PLEKHH1: variants seen among roughly 807,000 people sequenced by gnomAD.
PLEKHH1 encodes the protein pleckstrin homology domain-containing family H member 1.
PLEKHH1 carries 104 observed loss-of-function variants against 160.0 expected under a neutral mutation model. The ratio of observed to expected loss-of-function variants is 0.65; its 90% confidence interval spans 0.55 to 0.76. The LOEUF (loss-of-function observed/expected upper bound fraction) is 0.76, where lower values mean the gene tolerates loss of function less well. Ranked by LOEUF, PLEKHH1 falls within the 30% of genes least tolerant of loss-of-function variation. The pLI is 0.00. For missense variants in PLEKHH1, 1,427 were observed against 1,724.1 expected, an observed-to-expected ratio of 0.83 and a Z score of 3.05; for synonymous variants, 619 against 678.4, an observed-to-expected ratio of 0.91 and a Z score of 1.36.
rs1180702294 is a variant in PLEKHH1, at chr14:67,586,096, A to G, written c.3932A>G (p.Lys1311Arg). The G allele has an allele frequency of 2.5e-6, 4 of 1,613,732 alleles. No individual in the cohort carries two copies. Among genetic ancestry groups the G allele is most frequent in the African/African-American group, 2.7e-5 (2 of 74,926 alleles). Residue 1311 changes from lysine (K) to arginine (R), a missense_variant and splice_region_variant, in exon 28 of 29, where the codon AAG (lysine) becomes AGG (arginine). Physicochemically the swap from Lys to Arg is conservative, Grantham distance 26. Coordinates refer to ENST00000329153, the MANE Select transcript of PLEKHH1 (RefSeq NM_020715.3). ...TTGATCTTCCGGATGGCTGCTCCCA[A>G]GGTAGGTCTGACAGCTGTTAAAACG... ...EKLIFRMAAP[K>R]IAEATFIMAS...
chr14:67,564,522 A>G (rs1160600146), intron 7 of PLEKHH1, among the ~76,000 whole-genome samples: 1 of 152,062 alleles, frequency 6.6e-6, no homozygotes, highest in East Asian at 1.9e-4. Flanking sequence ...CAGTGGCGCA[A>G]TATTGGCTCA....
chr14:67,575,403 C>A lies in PLEKHH1; in HGVS notation c.2100C>A (p.Gly700=). Residue 700 remains glycine (G), a synonymous_variant, in exon 15 of 29, where the codon GGC becomes GGA. Transcript: ENST00000329153. The stretch of plus-strand genomic sequence containing the variant: ...TTTCTGTCTTACAGGTAAAGCATGG[C>A]CACTCCAAGGTGGTCTGGTGCGCTC... ...VKGWLTKVKH[G]HSKVVWCALV... The A allele has an allele frequency of 6.2e-7, 1 of 1,603,526 alleles. No individual in the cohort carries two copies. The highest frequency in any genetic ancestry group is 8.5e-7 in the Non-Finnish European group (1 of 1,173,028).
chr14:67,534,625 T>C (rs1373322675), intron 1 of PLEKHH1, among the ~76,000 whole-genome samples: 2 of 152,082 alleles, frequency 1.3e-5, no homozygotes, highest in Admixed American at 6.5e-5. Context: ...CACCTTCCCA[T>C]AGACTGCTGA....
intron 26 of PLEKHH1, 130 bp downstream of exon 26, chr14:67,584,254 T>G: frequency 2.3e-6 from 2 of 868,694 alleles, no homozygotes; most frequent in Non-Finnish European, 3.5e-6. Context: ...CTCCACTGTT[T>G]CTGGCCTAGT....
chr14:67,574,997 C>A lies in PLEKHH1; in HGVS notation c.2089-395C>A, dbSNP rs1002499526. Among the ~76,000 whole-genome samples, 5 of 152,190 alleles carry A rather than the reference C, an allele frequency of 3.3e-5. No individual in the cohort carries two copies. Among genetic ancestry groups the A allele is most frequent in the Non-Finnish European group, 5.9e-5 (4 of 68,030 alleles). ...ATCTGTTTATGTCATTCTCCTTCGCCCGTGTGCAGCTTCTGTTCCTTCATG... is the reference window on the plus strand; with the variant it reads ...ATCTGTTTATGTCATTCTCCTTCGCACGTGTGCAGCTTCTGTTCCTTCATG... On this transcript the variant is annotated intron_variant, in intron 14 of 28. Coordinates refer to ENST00000329153, the MANE Select transcript of PLEKHH1 (RefSeq NM_020715.3). The surrounding 1 kb of genome is among the most constrained non-coding windows in gnomAD (Gnocchi z 4.2).
chr14:67,569,617 G>T (rs1454860741), intron 8 of PLEKHH1: 2 of 471,962 alleles, frequency 4.2e-6, no homozygotes, highest in Admixed American at 6.8e-5. Context: ...CTGTGGGGTG[G>T]TCCCATAGCC....
intron 21 of PLEKHH1, 144 bp from the exon 22 acceptor site, chr14:67,579,577 C>A: frequency 2.5e-6 from 2 of 790,820 alleles, no homozygotes; most frequent in Non-Finnish European, 4.0e-6. Context: ...TGGCCCTTTG[C>A]CTGTGAACAC....
intron 2 of PLEKHH1, among the ~76,000 whole-genome samples, chr14:67,549,645 A>G (rs1241807360): frequency 6.6e-6 from 1 of 152,166 alleles, no homozygotes. Context: ...CTCAGGAACC[A>G]TGTATGGATG....
At chr14:67,570,103 G>C (rs2140457595) in intron 9 of PLEKHH1, 91 bp downstream of exon 9, 1 of 922,840 alleles carries the variant, frequency 1.1e-6, no homozygotes, top group South Asian at 1.4e-5. Flanking sequence ...CTAGGGCCAG[G>C]CTTCTGCACA....
chr14:67,585,522 A>T (rs1348222446), intron 26 of PLEKHH1, 46 bp from the exon 27 acceptor site: 1 of 1,310,578 alleles, frequency 7.6e-7, no homozygotes, highest in East Asian at 2.5e-5. Context: ...ATAGTTCAAA[A>T]TCTCTAACTA....
chr14:67,548,487 C>T (rs1450954809), intron 2 of PLEKHH1, among the ~76,000 whole-genome samples: 2 of 152,250 alleles, frequency 1.3e-5, no homozygotes, highest in African/African-American at 4.8e-5. Context: ...CACCTGAGGT[C>T]GGGAGTTTGA....
rs2035497488 is a variant in PLEKHH1, at chr14:67,573,796, TAC to T, written c.1840-3_1840-2del. 2 of 1,603,448 alleles carry T rather than the reference TAC, an allele frequency of 1.2e-6. No homozygotes were observed. The highest frequency in any genetic ancestry group is 1.7e-6 in the Non-Finnish European group (2 of 1,170,240). On this transcript the variant is annotated splice_region_variant and splice_polypyrimidine_tract_variant and intron_variant, in intron 12 of 28. Coordinates refer to ENST00000329153, the MANE Select transcript of PLEKHH1 (RefSeq NM_020715.3). This position sits in a 1 kb window ranked among gnomAD's most constrained non-coding sequence, Gnocchi z 4.8. ...TGGCTCTCCTCTCCAATACTTTCTT[TAC>T]AGAGTGATGTCATCCGGAAACCTCA...
intron 1 of PLEKHH1, among the ~76,000 whole-genome samples, chr14:67,540,470 A>G (rs1454860305): frequency 6.6e-6 from 1 of 152,044 alleles, no homozygotes; most frequent in Non-Finnish European, 1.5e-5. Context: ...TACTAAAAAT[A>G]CAAAAAATTA....
intron 8 of PLEKHH1, 60 bp downstream of exon 8, chr14:67,569,276 G>T: frequency 1.6e-6 from 2 of 1,259,648 alleles, no homozygotes; most frequent in South Asian, 1.2e-5. Flanking sequence ...GTGGGCAAGC[G>T]GGGAGGAGAA....
At chr14:67,543,227 C>T (rs2034042878) in intron 2 of PLEKHH1, among the ~76,000 whole-genome samples, 1 of 152,150 alleles carries the variant, frequency 6.6e-6, no homozygotes. Flanking sequence ...TTAGTAAAGC[C>T]CAAATGGATG....
intron 1 of PLEKHH1, among the ~76,000 whole-genome samples, chr14:67,533,990 C>T (rs1359321080): frequency 6.6e-6 from 1 of 152,064 alleles, no homozygotes; most frequent in Admixed American, 6.5e-5. Flanking sequence ...AAACTCCTCT[C>T]CTTGTGGGAT....
chr14:67,573,810 A>G lies in PLEKHH1; in HGVS notation c.1849A>G (p.Ile617Val). The change falls in exon 13 of 29, where the codon ATC becomes GTC. Residue 617 changes from isoleucine to valine, a missense_variant. Ile to Val is a conservative substitution (Grantham distance 29, BLOSUM62 3). Transcript: ENST00000329153. The surrounding 1 kb of genome is among the most constrained non-coding windows in gnomAD (Gnocchi z 4.8). ...IMYYKSPSDV[I>V]RKPQGQVDLN... Reference sequence around the variant, plus strand: ...AATACTTTCTTTACAGAGTGATGTCATCCGGAAACCTCAAGGCCAAGTGGA... The same window carrying G: ...AATACTTTCTTTACAGAGTGATGTCGTCCGGAAACCTCAAGGCCAAGTGGA... 1 of 1,611,024 alleles carries G rather than the reference A, an allele frequency of 6.2e-7. No homozygotes were observed. The highest frequency in any genetic ancestry group is 8.5e-7 in the Non-Finnish European group (1 of 1,177,192).
chr14:67,549,016 G>A (rs1292052799), intron 2 of PLEKHH1, among the ~76,000 whole-genome samples: 1 of 152,184 alleles, frequency 6.6e-6, no homozygotes, highest in Non-Finnish European at 1.5e-5. Context: ...CAGCTTAAGT[G>A]CCAGTTTCAC....
At chr14:67,551,871 G>A (rs545381705) in intron 2 of PLEKHH1, among the ~76,000 whole-genome samples, 6 of 151,326 alleles carry the variant, frequency 4.0e-5, no homozygotes, top group Admixed American at 6.6e-5. Context: ...GTGAGATTCT[G>A]TCTAAAAAAA....
Sources: gnomAD v4.1 joint callset for allele counts (sites outside exome capture counted in the v4.1 genomes callset) on GRCh38, gnomAD v4.1.1 for gene constraint, Gnocchi (gnomAD v3.1) non-coding constraint, MANE v1.5 for transcripts, NCBI Gene and HGNC (gene_info 2026-07-23, HGNC 2026-07-21) for gene names.